Variants in KCTD5 observed in about 807,000 individuals in gnomAD.
The protein encoded by KCTD5 is BTB/POZ domain-containing protein KCTD5.
KCTD5 carries 12 observed loss-of-function variants against 27.9 expected under a neutral mutation model. The ratio of observed to expected loss-of-function variants is 0.43; its 90% CI spans 0.28 to 0.70. The LOEUF is 0.70. KCTD5 is among the 30% of genes least tolerant of loss of function. The pLI is 0.19. For missense variants in KCTD5, 226 were observed against 274.8 expected (o/e 0.82, Z 1.26); for synonymous variants, 147 against 121.4 (o/e 1.21, Z -1.39).
chr16:2,682,655 C>T lies in KCTD5; in HGVS notation c.107C>T (p.Ala36Val). The change falls in exon 1 of 6, where the codon GCC becomes GTC. Residue 36 changes from alanine (A) to valine (V), a missense_variant. Physicochemically the swap from Ala to Val is moderately conservative, Grantham distance 64. Around this residue, in one of 2 missense-constraint regions of KCTD5, gnomAD observed 91 missense variants for 67.8 expected, o/e 1.34. Transcript: ENST00000301738. ...RRCSAGLGAL[A>V]QRPGSVSKWV... Reference sequence around the variant, plus strand: ...TGCAGCGCTGGGCTCGGCGCCCTGGCCCAGCGCCCTGGCAGCGTGTCCAAG... The same window carrying T: ...TGCAGCGCTGGGCTCGGCGCCCTGGTCCAGCGCCCTGGCAGCGTGTCCAAG... 5 of 1,598,846 alleles carry T rather than the reference C, an allele frequency of 3.1e-6. No homozygotes were observed. Among genetic ancestry groups the T allele is most frequent in the Non-Finnish European group, 4.3e-6 (5 of 1,174,422 alleles).
At chr16:2,684,724 C>A (rs2067532678) in intron 1 of KCTD5, 1 of 150,800 alleles carries the variant, frequency 6.6e-6, no homozygotes, top group Admixed American at 6.6e-5. Flanking sequence ...TAGTTAGCGC[C>A]ACTGCAGTCC....
At position 2,705,049 on chromosome 16, in the gene KCTD5, C is replaced by T. The variant is rs529223890; in HGVS notation, c.676-2249C>T. On this transcript the variant is annotated intron_variant, in intron 5 of 5. Transcript: ENST00000301738. The stretch of plus-strand genomic sequence containing the variant: ...GTGGCCTCACTGGAAGGTCACCGGG[C>T]GTGGGGGTTTGGGCCCGGGGCACCC... Among the ~76,000 whole-genome samples, 347 of 152,322 alleles carry T rather than the reference C, an allele frequency of 2.3e-3. 5 individuals carry two copies. The highest frequency in any genetic ancestry group is 4.6e-3 in the East Asian group (24 of 5,184).
At chr16:2,684,723 C>T (rs2067532664) in intron 1 of KCTD5, 2 of 151,392 alleles carry the variant, frequency 1.3e-5, no homozygotes, top group South Asian at 2.1e-4. Context: ...CTAGTTAGCG[C>T]CACTGCAGTC....
chr16:2,692,539 C>T (rs2067571168), intron 1 of KCTD5, among the ~76,000 whole-genome samples: 1 of 152,196 alleles, frequency 6.6e-6, no homozygotes, highest in African/African-American at 2.4e-5. Context: ...CCTCTTTGTC[C>T]TCTGCCCTGC....
In KCTD5 at chr16:2,682,645, G is replaced by C. The variant is rs917617034; in HGVS notation, c.97G>C (p.Gly33Arg). The C allele has an allele frequency of 5.0e-6, 8 of 1,589,390 alleles. No homozygotes were observed. Among genetic ancestry groups the C allele is most frequent in the African/African-American group, 1.4e-5 (1 of 72,208 alleles). ...GLCRRCSAGL[G>R]ALAQRPGSVS... ...GTGCCGCCGCTGCAGCGCTGGGCTC[G>C]GCGCCCTGGCCCAGCGCCCTGGCAG... Residue 33 changes from glycine to arginine, a missense_variant, in exon 1 of 6, where the codon GGC becomes CGC. Around this residue, in one of 2 missense-constraint regions of KCTD5, gnomAD observed 91 missense variants for 67.8 expected, o/e 1.34. Transcript: ENST00000301738.
At chr16:2,699,181 G>T (rs757805644) in intron 3 of KCTD5, 126 of 455,966 alleles carry the variant, frequency 2.8e-4, no homozygotes, top group Non-Finnish European at 1.2e-4. Flanking sequence ...TGAGTCCTCC[G>T]TAGTGACTGT....
chr16:2,697,775 G>A (rs1449570062), intron 2 of KCTD5, 131 bp from the exon 3 acceptor site: 1 of 671,510 alleles, frequency 1.5e-6, no homozygotes, highest in East Asian at 2.6e-5. Context: ...GTCGGGGCCT[G>A]AGCAGCTCCC....
chr16:2,701,570 C>T (rs1473838978), intron 4 of KCTD5, among the ~76,000 whole-genome samples: 2 of 152,246 alleles, frequency 1.3e-5, no homozygotes, highest in Non-Finnish European at 2.9e-5. Flanking sequence ...CCCACTGGGT[C>T]AGCCGCCAGC....
At chr16:2,697,247 C>T (rs1340006859) in intron 2 of KCTD5, 3 of 152,476 alleles carry the variant, frequency 2.0e-5, no homozygotes, top group Admixed American at 2.0e-4. Flanking sequence ...GAATGAAGAC[C>T]ACCCATGAGG....
rs190770954 is a variant in KCTD5 at position 2,705,464 on chromosome 16, G to A, written c.676-1834G>A. Among the ~76,000 whole-genome samples the A allele has an allele frequency of 2.1e-3, 315 of 152,288 alleles. 1 individual carries two copies. Among genetic ancestry groups the A allele is most frequent in the African/African-American group, 7.3e-3 (302 of 41,558 alleles). On this transcript the variant is annotated intron_variant, in intron 5 of 5. Transcript: ENST00000301738. ...TCGTGAACCCAAGAGCCCCTCCTGG[G>A]GGCTGGGCAGGGAGTGCCACTCGTG...
At position 2,682,636 on chromosome 16, in the gene KCTD5, G is replaced by A; in HGVS notation, c.88G>A (p.Ala30Thr). The stretch of plus-strand genomic sequence containing the variant: ...GGGCGGCCTGTGCCGCCGCTGCAGC[G>A]CTGGGCTCGGCGCCCTGGCCCAGCG... ...LGGGLCRRCSAGLGALAQRPG... is the reference protein window; with the variant it reads ...LGGGLCRRCSTGLGALAQRPG... The change falls in exon 1 of 6, where the codon GCT becomes ACT. Residue 30 changes from alanine to threonine, a missense_variant. Around this residue, in one of 2 missense-constraint regions of KCTD5, gnomAD observed 91 missense variants for 67.8 expected, o/e 1.34. Coordinates refer to ENST00000301738, the MANE Select transcript of KCTD5 (RefSeq NM_018992.4). 1 of 1,583,028 alleles carries A rather than the reference G, an allele frequency of 6.3e-7. No homozygotes were observed. Among genetic ancestry groups the A allele is most frequent in the Non-Finnish European group, 8.6e-7 (1 of 1,167,674 alleles).
At chr16:2,684,210 T>C (rs1328248982) in intron 1 of KCTD5, 1 of 152,078 alleles carries the variant, frequency 6.6e-6, no homozygotes, top group Non-Finnish European at 1.5e-5. Flanking sequence ...TATATGAAAT[T>C]AGAGTTTAAA....
Position 2,699,860 on chromosome 16 carries a change from G to C in KCTD5, c.493G>C (p.Glu165Gln). 2 of 1,613,918 alleles carry C rather than the reference G, an allele frequency of 1.2e-6. No homozygotes were observed. Among genetic ancestry groups the C allele is most frequent in the Non-Finnish European group, 1.7e-6 (2 of 1,179,952 alleles). The change falls in exon 4 of 6, where the codon GAG (glutamate) becomes CAG (glutamine). Residue 165 changes from glutamate to glutamine, a missense_variant. Physicochemically the swap from Glu to Gln is conservative, Grantham distance 29. Around this residue, in one of 2 missense-constraint regions of KCTD5, gnomAD observed 135 missense variants for 207.0 expected, o/e 0.65. Coordinates refer to ENST00000301738, the MANE Select transcript of KCTD5 (RefSeq NM_018992.4). The stretch of plus-strand genomic sequence containing the variant: ...TGTGTACCGTGTGCTGCAGTGCCAG[G>C]AGGAGGAGCTCACGCAGATGGTGTC... ...KHVYRVLQCQ[E>Q]EELTQMVSTM...
At chr16:2,696,931 C>T (rs557851550) in intron 2 of KCTD5, among the ~76,000 whole-genome samples, 4 of 152,342 alleles carry the variant, frequency 2.6e-5, no homozygotes, top group Non-Finnish European at 4.4e-5. Flanking sequence ...TGGAGCCGCT[C>T]GAGTCGAGGC....
At chr16:2,699,285 TGGAGGGG>T in intron 3 of KCTD5, 1 of 451,330 alleles carries the variant, frequency 2.2e-6, no homozygotes, top group Non-Finnish European at 4.5e-6. Flanking sequence ...CACAGCTGCC[TGGAGGGG>T]CACAGCAAGC....
intron 4 of KCTD5, 23 bp downstream of exon 4, chr16:2,699,939 G>A (rs370628104): frequency 1.0e-5 from 16 of 1,605,172 alleles, no homozygotes; most frequent in Middle Eastern, 3.3e-4. Context: ...GGCCAGCCTG[G>A]TGGCAGCCAT....
chr16:2,689,922 T>C (rs907218112), intron 1 of KCTD5, among the ~76,000 whole-genome samples: 4 of 152,216 alleles, frequency 2.6e-5, no homozygotes, highest in South Asian at 4.1e-4. Context: ...GTAATCCGCC[T>C]GCCTTGGCCT....
At chr16:2,701,066 G>C (rs762551065) in intron 4 of KCTD5, among the ~76,000 whole-genome samples, 1 of 152,200 alleles carries the variant, frequency 6.6e-6, no homozygotes, top group African/African-American at 2.4e-5. Flanking sequence ...CTCGGGGTCC[G>C]CGAACAGGGC....
intron 4 of KCTD5, among the ~76,000 whole-genome samples, chr16:2,700,119 A>T (rs995512895): frequency 6.6e-6 from 1 of 152,164 alleles, no homozygotes; most frequent in African/African-American, 2.4e-5. Flanking sequence ...GAGGTGTCTC[A>T]GGCTCTGCCC....
Sources: gnomAD v4.1 joint callset for allele counts (sites outside exome capture counted in the v4.1 genomes callset) on GRCh38, gnomAD v4.1.1 for gene constraint, gnomAD v4.1.1 regional missense constraint, MANE v1.5 for transcripts, NCBI Gene and HGNC (gene_info 2026-07-23, HGNC 2026-07-21) for gene names.